The following DISC1 variants were observed in gnomAD, a reference collection of about 807,000 sequenced individuals.
DISC1 encodes disrupted in schizophrenia 1 protein.
DISC1 carries 57 observed loss-of-function variants against 84.5 expected under a neutral mutation model. The observed-to-expected ratio is 0.67, with a 90% CI of 0.55 to 0.84. The LOEUF (loss-of-function observed/expected upper bound fraction) is 0.84, where lower values mean the gene tolerates loss of function less well. Ranked by LOEUF, DISC1 falls within the 40% of genes least tolerant of loss-of-function variation. The pLI is 0.00. For missense variants in DISC1, 1,000 were observed against 1,057.8 expected (o/e 0.95, Z 0.76); for synonymous variants, 411 against 415.2 (o/e 0.99, Z 0.12).
At chr1:231,996,254 T>G (rs886224600) in intron 10 of DISC1, among the ~76,000 whole-genome samples, 2 of 152,178 alleles carry the variant, frequency 1.3e-5, no homozygotes, top group African/African-American at 4.8e-5. Flanking sequence ...ATTTGTCAGA[T>G]GAGTAGGTTG....
intron 9 of DISC1, among the ~76,000 whole-genome samples, chr1:231,916,188 C>T (rs1174820328): frequency 6.6e-6 from 1 of 152,180 alleles, no homozygotes; most frequent in Non-Finnish European, 1.5e-5. Context: ...TTTGTAGCAT[C>T]AACGGGTCAG....
chr1:231,877,264 A>G (rs2085957733), intron 9 of DISC1, among the ~76,000 whole-genome samples: 1 of 152,240 alleles, frequency 6.6e-6, no homozygotes, highest in Non-Finnish European at 1.5e-5. Context: ...GGATGTTCAC[A>G]GACATCTTTG....
Position 231,693,853 on chromosome 1 carries a change from C to A in DISC1, c.95C>A (p.Ala32Glu). 1 of 1,613,918 alleles carries A rather than the reference C, an allele frequency of 6.2e-7. No homozygotes were observed. Among genetic ancestry groups the A allele is most frequent in the Non-Finnish European group, 8.5e-7 (1 of 1,180,030 alleles). ...AGCCGGGATTGCTTACCACCTGCAG[C>A]GTGCTTTCGGAGGCGGCGGCTGGCA... The part of the protein sequence containing the change: ...AGSRDCLPPA[A>E]CFRRRRLARR... Residue 32 changes from alanine (A) to glutamate (E), a missense_variant, in exon 2 of 13, where the codon GCG becomes GAG. Physicochemically the swap from Ala to Glu is moderately radical, Grantham distance 107 (BLOSUM62 -1). Around this residue, in one of 3 missense-constraint regions of DISC1, gnomAD observed 292 missense variants for 280.2 expected, o/e 1.04. Coordinates refer to ENST00000439617, the MANE Select transcript of DISC1 (RefSeq NM_018662.3).
chr1:231,924,295 G>A (rs1019009985), intron 9 of DISC1, among the ~76,000 whole-genome samples: 2 of 152,166 alleles, frequency 1.3e-5, no homozygotes, highest in African/African-American at 2.4e-5. Context: ...CTTTGTGGCC[G>A]AGCACGAACA....
chr1:232,017,841 T>C (rs1335338735), intron 11 of DISC1, among the ~76,000 whole-genome samples: 3 of 152,210 alleles, frequency 2.0e-5, no homozygotes, highest in Non-Finnish European at 2.9e-5. Flanking sequence ...ACTTGTTACT[T>C]CAGTTTGGAG....
intron 11 of DISC1, among the ~76,000 whole-genome samples, chr1:232,021,712 T>C (rs1361110967): frequency 3.9e-5 from 6 of 152,218 alleles, no homozygotes; most frequent in Non-Finnish European, 7.3e-5. Flanking sequence ...TTACCTACTA[T>C]GGCTGCATCA....
chr1:231,673,429 G>A (rs1196691195), intron 1 of DISC1, among the ~76,000 whole-genome samples: 1 of 152,072 alleles, frequency 6.6e-6, no homozygotes, highest in Non-Finnish European at 1.5e-5. Flanking sequence ...GGCTCAAGGA[G>A]GCTGGGCTAC....
chr1:231,713,924 A>G (rs1321844685), intron 3 of DISC1, among the ~76,000 whole-genome samples: 2 of 150,824 alleles, frequency 1.3e-5, no homozygotes, highest in African/African-American at 4.9e-5. Flanking sequence ...AGTCAGAGCA[A>G]AATAGATAAA....
chr1:231,627,981 A>C (rs990727126), intron 1 of DISC1, among the ~76,000 whole-genome samples: 8 of 152,276 alleles, frequency 5.3e-5, no homozygotes, highest in African/African-American at 1.7e-4. Flanking sequence ...TAGGGTTGTT[A>C]TGCGGTTTAA....
intron 9 of DISC1, among the ~76,000 whole-genome samples, chr1:231,912,381 G>A (rs1019390118): frequency 1.3e-5 from 2 of 152,194 alleles, no homozygotes; most frequent in Non-Finnish European, 2.9e-5. Context: ...CTTTCTGTTT[G>A]TTTGTTTTCC....
At chr1:231,709,582 C>T (rs113551084) in intron 3 of DISC1, among the ~76,000 whole-genome samples, 31 of 152,122 alleles carry the variant, frequency 2.0e-4, no homozygotes, top group African/African-American at 7.0e-4. Flanking sequence ...ATAAGGATCA[C>T]GTGGAATGTT....
intron 1 of DISC1, among the ~76,000 whole-genome samples, chr1:231,653,057 G>C (rs2060773164): frequency 6.6e-6 from 1 of 152,226 alleles, no homozygotes; most frequent in South Asian, 2.1e-4. Flanking sequence ...GGGATTACAG[G>C]TGTGAGCCAC....
chr1:231,899,354 A>G (rs987128356), intron 9 of DISC1, among the ~76,000 whole-genome samples: 2 of 152,164 alleles, frequency 1.3e-5, no homozygotes, highest in Non-Finnish European at 2.9e-5. Context: ...CAGGAGACAC[A>G]GATGCTGCTG....
At chr1:231,930,195 G>A (rs777211961) in intron 9 of DISC1, among the ~76,000 whole-genome samples, 1 of 152,154 alleles carries the variant, frequency 6.6e-6, no homozygotes, top group Non-Finnish European at 1.5e-5. Context: ...ATTGGAAGGC[G>A]CTTAGAGATC....
intron 9 of DISC1, among the ~76,000 whole-genome samples, chr1:231,925,413 CAG>C (rs1372665481): frequency 1.3e-5 from 2 of 152,170 alleles, no homozygotes; most frequent in African/African-American, 2.4e-5. Flanking sequence ...CCTTGTACTG[CAG>C]AGAGTCAAGT....
chr1:231,728,367 GA>G (rs2071032470), intron 3 of DISC1, among the ~76,000 whole-genome samples: 1 of 152,176 alleles, frequency 6.6e-6, no homozygotes, highest in Non-Finnish European at 1.5e-5. Flanking sequence ...AGATGTTCGG[GA>G]GGCAGCCGCC....
chr1:231,893,902 CAA>C (rs992666845), intron 9 of DISC1, among the ~76,000 whole-genome samples: 2 of 152,164 alleles, frequency 1.3e-5, no homozygotes, highest in African/African-American at 2.4e-5. Context: ...AAAAATATCA[CAA>C]AGACATGAAA....
At chr1:231,903,082 G>C (rs1267962581) in intron 9 of DISC1, among the ~76,000 whole-genome samples, 1 of 90,718 alleles carries the variant, frequency 1.1e-5, no homozygotes, top group Non-Finnish European at 2.4e-5. Flanking sequence ...TTTTTTTTTT[G>C]ACAGAGTCAT....
intron 1 of DISC1, among the ~76,000 whole-genome samples, chr1:231,674,737 G>T (rs2062973230): frequency 6.6e-6 from 1 of 152,206 alleles, no homozygotes; most frequent in African/African-American, 2.4e-5. Context: ...GGCCTTCGTG[G>T]CCATGTGTAT....
Sources: allele counts gnomAD v4.1 joint callset (sites outside exome capture counted in the v4.1 genomes callset), GRCh38; gene constraint gnomAD v4.1.1; regional missense constraint gnomAD v4.1.1; transcripts MANE v1.5; gene names NCBI Gene and HGNC (gene_info 2026-07-23, HGNC 2026-07-21).